LRRTM4: variants seen among roughly 807,000 people sequenced by gnomAD.
The protein encoded by LRRTM4 is leucine rich repeat transmembrane neuronal 4.
Under a neutral mutation model 47.6 loss-of-function variants are expected in LRRTM4, and 25 were observed. That is an observed-to-expected ratio of 0.53 (90% CI 0.38 to 0.73). The LOEUF (loss-of-function observed/expected upper bound fraction) is 0.73. Among genes scored for constraint, LRRTM4 ranks in the 30% least tolerant of loss-of-function variants. LRRTM4 has a pLI of 0.00. For synonymous variants in LRRTM4, 311 were observed against 269.5 expected, an observed-to-expected ratio of 1.15 and a Z score of -1.51; for missense variants, 638 against 713.4, an observed-to-expected ratio of 0.89 and a Z score of 1.20.
chr2:77,234,203 A>G (rs1675043682), intron 3 of LRRTM4, among the ~76,000 whole-genome samples: 1 of 152,210 alleles, frequency 6.6e-6, no homozygotes, highest in Non-Finnish European at 1.5e-5. Flanking sequence ...CCCAAATCAT[A>G]TAAACGAGAT....
chr2:76,904,322 A>C (rs1673746687), intron 3 of LRRTM4, among the ~76,000 whole-genome samples: 1 of 152,216 alleles, frequency 6.6e-6, no homozygotes, highest in African/African-American at 2.4e-5. Context: ...ACCTTTACTG[A>C]CCACACCAGA....
chr2:76,790,038 T>A (rs1015975739), intron 3 of LRRTM4, among the ~76,000 whole-genome samples: 2 of 152,204 alleles, frequency 1.3e-5, no homozygotes, highest in Non-Finnish European at 2.9e-5. Context: ...ATGTTCCCTC[T>A]TGTTCATTCC....
chr2:76,953,895 T>C (rs147033624), intron 3 of LRRTM4, among the ~76,000 whole-genome samples: 1 of 151,970 alleles, frequency 6.6e-6, no homozygotes, highest in African/African-American at 2.4e-5. Flanking sequence ...GTCAGTAGCT[T>C]ATGACAGTAT....
At chr2:76,898,586 C>G (rs754109936) in intron 3 of LRRTM4, among the ~76,000 whole-genome samples, 3 of 141,396 alleles carry the variant, frequency 2.1e-5, no homozygotes, top group Non-Finnish European at 3.0e-5. Context: ...AGAGTTAGTA[C>G]AGTAATGGGT....
rs138533299 is a variant in LRRTM4, at chr2:77,014,046, G to A, written c.1552-265130C>T. ...AAAGTGAATAAATTCTTCACTGTGT[G>A]TTTTGAGTATGATGAGAGAGTATGA... On this transcript the variant is annotated intron_variant, in intron 3 of 3. Coordinates refer to ENST00000409884, the MANE Select transcript of LRRTM4 (RefSeq NM_001134745.3). 2.8e-3 allele frequency among the ~76,000 whole-genome samples: 420 copies of A among 152,234 alleles called. 3 individuals are homozygous for A. The highest frequency in any genetic ancestry group is 9.5e-3 in the African/African-American group (394 of 41,540).
intron 3 of LRRTM4, among the ~76,000 whole-genome samples, chr2:77,355,731 G>T (rs1055169863): frequency 2.6e-5 from 4 of 152,176 alleles, no homozygotes; most frequent in Admixed American, 1.3e-4. Flanking sequence ...AATCCAGTTT[G>T]TCTAATTGGC....
At chr2:77,019,844 C>T (rs1678204203) in intron 3 of LRRTM4, among the ~76,000 whole-genome samples, 2 of 151,750 alleles carry the variant, frequency 1.3e-5, no homozygotes, top group South Asian at 2.1e-4. Context: ...GGCTTTAGTA[C>T]TGGGTAATGG....
chr2:76,889,334 A>C (rs564112251), intron 3 of LRRTM4, among the ~76,000 whole-genome samples: 2 of 152,126 alleles, frequency 1.3e-5, no homozygotes, highest in South Asian at 2.1e-4. Context: ...TGAGTTACAC[A>C]TATTTTTATA....
chr2:77,075,283 C>T (rs1680294926), intron 3 of LRRTM4, among the ~76,000 whole-genome samples: 1 of 152,158 alleles, frequency 6.6e-6, no homozygotes, highest in Non-Finnish European at 1.5e-5. Flanking sequence ...ATTATTTCTA[C>T]AACTTGTAAA....
chr2:77,313,323 C>T (rs375422104), intron 3 of LRRTM4, among the ~76,000 whole-genome samples: 1,218 of 81,304 alleles, frequency 0.015, 10 homozygotes, highest in African/African-American at 0.073. Flanking sequence ...GGGATGTGCC[C>T]CCCTACCTTT....
intron 3 of LRRTM4, 115 bp downstream of exon 3, chr2:77,518,203 C>T (rs994470500): frequency 2.2e-6 from 3 of 1,371,142 alleles, no homozygotes; most frequent in Non-Finnish European, 2.8e-6. Flanking sequence ...TGAGCAAAAC[C>T]CAAAAGCAAA....
At chr2:76,989,479 G>T (rs1676925725) in intron 3 of LRRTM4, among the ~76,000 whole-genome samples, 1 of 151,808 alleles carries the variant, frequency 6.6e-6, no homozygotes, top group South Asian at 2.1e-4. Context: ...TGCATATGTT[G>T]GATATAGTAC....
intron 3 of LRRTM4, among the ~76,000 whole-genome samples, chr2:76,968,375 T>TAC (rs1558767868): frequency 1.5e-5 from 2 of 129,414 alleles, no homozygotes; most frequent in Non-Finnish European, 1.7e-5. Context: ...TATATATATA[T>TAC]ATATATATAC....
At chr2:76,885,587 T>C (rs1302830323) in intron 3 of LRRTM4, among the ~76,000 whole-genome samples, 1 of 151,178 alleles carries the variant, frequency 6.6e-6, no homozygotes, top group African/African-American at 2.4e-5. Context: ...CTCAGCCTCC[T>C]GAGTAGCTGG....
chr2:76,777,108 A>G (rs2104138055), intron 3 of LRRTM4, among the ~76,000 whole-genome samples: 1 of 148,184 alleles, frequency 6.7e-6, no homozygotes, highest in South Asian at 2.3e-4. Flanking sequence ...GTTCTGTTCC[A>G]TTGATCTATA....
intron 3 of LRRTM4, among the ~76,000 whole-genome samples, chr2:77,305,818 A>G (rs1677255486): frequency 6.6e-6 from 1 of 152,050 alleles, no homozygotes; most frequent in Non-Finnish European, 1.5e-5. Flanking sequence ...TTATATTTTA[A>G]TAATAAAACA....
At chr2:76,942,000 C>G (rs1425074601) in intron 3 of LRRTM4, among the ~76,000 whole-genome samples, 2 of 152,046 alleles carry the variant, frequency 1.3e-5, no homozygotes, top group Non-Finnish European at 2.9e-5. Flanking sequence ...TTAATGATCC[C>G]CATTCTAACT....
intron 3 of LRRTM4, among the ~76,000 whole-genome samples, chr2:76,972,017 T>C (rs954618604): frequency 6.6e-6 from 1 of 152,070 alleles, no homozygotes; most frequent in Non-Finnish European, 1.5e-5. Flanking sequence ...TGGGGCTACA[T>C]CATTCTTCTT....
At chr2:77,089,864 G>A (rs991555051) in intron 3 of LRRTM4, among the ~76,000 whole-genome samples, 10 of 152,074 alleles carry the variant, frequency 6.6e-5, no homozygotes, top group Admixed American at 2.0e-4. Context: ...ATAGGCAAAC[G>A]GTCTGAGGTG....
Sources: allele counts gnomAD v4.1 joint callset (sites outside exome capture counted in the v4.1 genomes callset), GRCh38; gene constraint gnomAD v4.1.1; transcripts MANE v1.5; gene names NCBI Gene and HGNC (gene_info 2026-07-23, HGNC 2026-07-21).